The following PRKDC variants were observed in gnomAD, a reference collection of about 807,000 sequenced individuals.
PRKDC encodes the protein DNA-dependent protein kinase catalytic subunit.
Under a neutral mutation model 486.9 loss-of-function variants are expected in PRKDC, and 82 were observed. The ratio of observed to expected loss-of-function variants is 0.17; its 90% confidence interval spans 0.14 to 0.20. The LOEUF is 0.20. PRKDC is among the 10% of genes least tolerant of loss of function. The pLI is 1.00. For synonymous variants in PRKDC, 1,895 were observed against 1,837.0 expected, an observed-to-expected ratio of 1.03 and a Z score of -0.81; for missense variants, 4,504 against 5,038.2, an observed-to-expected ratio of 0.89 and a Z score of 3.21.
intron 3 of PRKDC, among the ~76,000 whole-genome samples, chr8:47,956,820 C>T (rs2090710174): frequency 1.3e-5 from 2 of 151,206 alleles, no homozygotes; most frequent in South Asian, 4.2e-4. Context: ...AAGAGGCCAT[C>T]AGGGCCCCAG....
intron 74 of PRKDC, among the ~76,000 whole-genome samples, chr8:47,793,404 C>T (rs959781043): frequency 1.4e-4 from 21 of 151,726 alleles, no homozygotes; most frequent in Non-Finnish European, 2.2e-4. Flanking sequence ...CCAAGGTGGG[C>T]GGATCACCTG....
intron 25 of PRKDC, among the ~76,000 whole-genome samples, chr8:47,907,359 T>C (rs977868407): frequency 6.8e-6 from 1 of 147,114 alleles, no homozygotes; most frequent in African/African-American, 2.5e-5. Flanking sequence ...ACTGTTTTAT[T>C]CTTAGTACAT....
intron 54 of PRKDC, among the ~76,000 whole-genome samples, chr8:47,844,131 A>G (rs2088215085): frequency 6.6e-6 from 1 of 152,266 alleles, no homozygotes; most frequent in African/African-American, 2.4e-5. Flanking sequence ...AAACTCAACT[A>G]TCTTCTCTCT....
chr8:47,912,602 C>G (rs369643345), intron 24 of PRKDC, 40 bp from the exon 25 acceptor site: 2 of 1,514,330 alleles, frequency 1.3e-6, no homozygotes, highest in Non-Finnish European at 1.8e-6. Flanking sequence ...TAAGTTATCA[C>G]GTTGATGACA....
chr8:47,836,577 C>A, intron 57 of PRKDC, 50 bp from the exon 58 acceptor site: 1 of 1,462,066 alleles, frequency 6.8e-7, no homozygotes, highest in Non-Finnish European at 9.4e-7. Context: ...TGAAATAATG[C>A]TCCTTTTTTA....
intron 39 of PRKDC, among the ~76,000 whole-genome samples, chr8:47,878,491 C>T (rs895492518): frequency 6.6e-6 from 1 of 152,094 alleles, no homozygotes; most frequent in Non-Finnish European, 1.5e-5. Flanking sequence ...AACAGGCCCC[C>T]CTCCTTCACC....
chr8:47,833,777 T>C (rs771767894), intron 59 of PRKDC, among the ~76,000 whole-genome samples: 1 of 152,022 alleles, frequency 6.6e-6, no homozygotes, highest in African/African-American at 2.4e-5. Flanking sequence ...CCTGTCCTTT[T>C]CATCCTTTCC....
intron 21 of PRKDC, among the ~76,000 whole-genome samples, chr8:47,920,930 C>G (rs2090059869): frequency 6.6e-6 from 1 of 152,118 alleles, no homozygotes; most frequent in African/African-American, 2.4e-5. Flanking sequence ...TTTTCAACAT[C>G]TGAAACAGTC....
At position 47,881,482 on chromosome 8, in the gene PRKDC, T is replaced by C. The variant is rs748012286; in HGVS notation, c.5001A>G (p.Ser1667=). The change falls in exon 38 of 86, where the codon TCA becomes TCG. Residue 1667 remains serine (S), a synonymous_variant. Transcript: ENST00000314191. The part of the protein sequence containing the change: ...SSVSFNTSHG[S]FPEVFTTYIS... ...TATATGTTGTAAAGACTTCAGGGAA[T>C]GAACCATGACTTGTATTAAAAGATA... The C allele has an allele frequency of 8.9e-6, 14 of 1,575,474 alleles. 1 individual carries two copies. The Admixed American group carries it at 1.2e-4, about 14-fold the overall frequency.
intron 68 of PRKDC, among the ~76,000 whole-genome samples, chr8:47,814,970 C>T (rs1334864694): frequency 6.6e-6 from 1 of 152,074 alleles, no homozygotes; most frequent in East Asian, 1.9e-4. Context: ...ACATACCATC[C>T]TGGGCAACAT....
chr8:47,959,897 A>G (rs1589823413), intron 1 of PRKDC, 76 bp downstream of exon 1: 2 of 1,503,264 alleles, frequency 1.3e-6, no homozygotes, highest in East Asian at 5.0e-5. Flanking sequence ...AACACAGAGA[A>G]GCGCCGGGCT....
intron 55 of PRKDC, 70 bp downstream of exon 55, chr8:47,839,946 C>T (rs1344337905): frequency 7.8e-7 from 1 of 1,276,668 alleles, no homozygotes; most frequent in Non-Finnish European, 1.1e-6. Context: ...CCCTGTACTC[C>T]AGCCTCGTCG....
At chr8:47,823,191 C>T (rs1398147922) in intron 64 of PRKDC, among the ~76,000 whole-genome samples, 1 of 151,876 alleles carries the variant, frequency 6.6e-6, no homozygotes. Flanking sequence ...CAAAAATTAG[C>T]CAGGCATGTT....
chr8:47,930,111 C>T lies in PRKDC; in HGVS notation c.1893-99G>A, dbSNP rs575214250. 126 of 1,050,106 alleles carry T rather than the reference C, an allele frequency of 1.2e-4. No individual in the cohort carries two copies. In the African/African-American group the frequency reaches 1.8e-3, roughly 15 times the overall value. The allele number at this position is 1,050,106 out of a possible 1,614,324, so 65.0% of individuals were successfully genotyped here. A position where few individuals can be genotyped will look rare whatever the true frequency, so the allele number is the denominator to read the frequency against. ...GAACAACTAAGCTACAAACCCATCA[C>T]GTAACATTTTGAGGTATCCTAAAAT... On this transcript the variant is annotated intron_variant, in intron 17 of 85. Transcript: ENST00000314191.
At chr8:47,852,628 A>T in intron 52 of PRKDC, 45 bp downstream of exon 52, 1 of 1,248,956 alleles carries the variant, frequency 8.0e-7, no homozygotes, top group Non-Finnish European at 1.1e-6. Context: ...TAACAAATCA[A>T]AACAGAGTAA....
Position 47,821,486 on chromosome 8 carries a change from G to A in PRKDC, c.9111+118C>T, listed in dbSNP as rs530957633. The stretch of plus-strand genomic sequence containing the variant: ...GGGTTTGTAGGTGGACTCAGGTCAT[G>A]CAATTCCCTAGTGCTTCACAAGTAC... On this transcript the variant is annotated intron_variant, in intron 65 of 85. Transcript: ENST00000314191. 127 of 935,038 alleles carry A rather than the reference G, an allele frequency of 1.4e-4. 1 individual carries two copies. In the Middle Eastern group the frequency reaches 4.5e-3, roughly 33 times the overall value. The allele number at this position is 935,038 out of a possible 1,614,324, so 57.9% of individuals were successfully genotyped here. A position where few individuals can be genotyped will look rare whatever the true frequency, so the allele number is the denominator to read the frequency against.
intron 61 of PRKDC, among the ~76,000 whole-genome samples, chr8:47,830,175 C>T (rs1047605951): frequency 3.9e-5 from 6 of 152,136 alleles, no homozygotes; most frequent in African/African-American, 1.4e-4. Flanking sequence ...AGAGATAAGT[C>T]ACTGGCATGT....
intron 11 of PRKDC, 111 bp from the exon 12 acceptor site, chr8:47,936,628 T>G: frequency 7.9e-7 from 1 of 1,261,444 alleles, no homozygotes; most frequent in South Asian, 1.5e-5. Context: ...CAAGGCTTCT[T>G]TTTTTTTTGA....
intron 74 of PRKDC, among the ~76,000 whole-genome samples, chr8:47,793,674 TA>T (rs1329247667): frequency 9.4e-6 from 1 of 106,474 alleles, no homozygotes; most frequent in Non-Finnish European, 1.9e-5. Flanking sequence ...TAAATTAATT[TA>T]AAAAAACTAA....
Sources: allele counts gnomAD v4.1 joint callset (sites outside exome capture counted in the v4.1 genomes callset), GRCh38; gene constraint gnomAD v4.1.1; transcripts MANE v1.5; gene names NCBI Gene and HGNC (gene_info 2026-07-23, HGNC 2026-07-21).